PTPRD: variants seen among roughly 807,000 people sequenced by gnomAD.
PTPRD encodes receptor-type tyrosine-protein phosphatase delta.
A neutral mutation model predicts 214.5 loss-of-function variants in PTPRD; 34 were observed. The ratio of observed to expected loss-of-function variants is 0.16; its 90% CI spans 0.12 to 0.21. PTPRD has a LOEUF of 0.21. PTPRD is among the 10% of genes least tolerant of loss of function. The pLI, the probability that PTPRD is intolerant of heterozygous loss-of-function variation, is 1.00. For synonymous variants in PTPRD, 1,128 were observed against 845.7 expected, an observed-to-expected ratio of 1.33 and a Z score of -5.79; for missense variants, 2,545 against 2,398.7, an observed-to-expected ratio of 1.06 and a Z score of -1.27.
intron 5 of PTPRD, among the ~76,000 whole-genome samples, chr9:9,862,469 T>C (rs2062985405): frequency 6.6e-6 from 1 of 152,198 alleles, no homozygotes; most frequent in Admixed American, 6.5e-5. Flanking sequence ...CAAAAAGCCA[T>C]CTTCCTTGGG....
chr9:9,874,861 T>C (rs1354128271), intron 5 of PTPRD, among the ~76,000 whole-genome samples: 1 of 152,168 alleles, frequency 6.6e-6, no homozygotes, highest in Non-Finnish European at 1.5e-5. Context: ...TGATACATTA[T>C]CCTGTGGTGC....
intron 5 of PTPRD, among the ~76,000 whole-genome samples, chr9:9,813,970 T>C (rs1598548309): frequency 6.6e-6 from 1 of 152,180 alleles, no homozygotes; most frequent in African/African-American, 2.4e-5. Context: ...GTGGGATTTA[T>C]CTCTGGGCTG....
chr9:9,238,864 T>C (rs747997457), intron 9 of PTPRD, among the ~76,000 whole-genome samples: 17 of 152,170 alleles, frequency 1.1e-4, no homozygotes, highest in Non-Finnish European at 1.9e-4. Context: ...CTTTCTGATA[T>C]TCAGCCCCTT....
In PTPRD at chr9:10,366,216, T is replaced by C. The variant is rs769189004; in HGVS notation, c.-599-25199A>G. Among the ~76,000 whole-genome samples, 28 of 152,156 alleles carry C rather than the reference T, an allele frequency of 1.8e-4. 1 individual carries two copies. The highest frequency in any genetic ancestry group is 8.8e-5 in the Non-Finnish European group (6 of 68,022). On this transcript the variant is annotated intron_variant, in intron 2 of 45. Coordinates refer to ENST00000381196, the MANE Select transcript of PTPRD (RefSeq NM_002839.4). ...TCCCTATGCCATCTGTAAATACAGG[T>C]GGTTCCTGCTTTATGCCATGATCTC...
chr9:9,421,116 A>G (rs1017038384), intron 8 of PTPRD, among the ~76,000 whole-genome samples: 3 of 151,972 alleles, frequency 2.0e-5, no homozygotes, highest in African/African-American at 7.2e-5. Context: ...ATGAGGTCTA[A>G]CAGTTGATGA....
chr9:9,679,497 A>G (rs1198231913), intron 7 of PTPRD, among the ~76,000 whole-genome samples: 5 of 151,916 alleles, frequency 3.3e-5, no homozygotes, highest in African/African-American at 1.2e-4. Context: ...CTGTGAATTA[A>G]TCTTGCTGAA....
At chr9:9,409,749 C>A (rs924292519) in intron 8 of PTPRD, among the ~76,000 whole-genome samples, 18 of 151,984 alleles carry the variant, frequency 1.2e-4, no homozygotes, top group African/African-American at 4.1e-4. Context: ...AGTAGAGTAC[C>A]ATGGGAGCAG....
intron 11 of PTPRD, among the ~76,000 whole-genome samples, chr9:8,902,351 T>C (rs932052219): frequency 6.6e-6 from 1 of 151,270 alleles, no homozygotes; most frequent in Non-Finnish European, 1.5e-5. Flanking sequence ...TTTTCTTTTT[T>C]TTTTTTTTTG....
chr9:9,038,305 G>T, intron 10 of PTPRD, among the ~76,000 whole-genome samples: 1 of 152,110 alleles, frequency 6.6e-6, no homozygotes, highest in East Asian at 1.9e-4. Context: ...AGGACAGTTT[G>T]GTCTAGGCTG....
chr9:10,443,596 T>G (rs2154524066), intron 2 of PTPRD, among the ~76,000 whole-genome samples: 1 of 151,832 alleles, frequency 6.6e-6, no homozygotes, highest in East Asian at 1.9e-4. Context: ...AATGTTACAT[T>G]ACTTGATGCC....
At chr9:10,466,177 T>C (rs2098992166) in intron 2 of PTPRD, among the ~76,000 whole-genome samples, 2 of 152,222 alleles carry the variant, frequency 1.3e-5, no homozygotes, top group South Asian at 4.1e-4. Flanking sequence ...ACTTTTATTA[T>C]GATTTCTCTG....
At chr9:8,713,652 C>T (rs1458107674) in intron 12 of PTPRD, 1 of 1,508,242 alleles carries the variant, frequency 6.6e-7, no homozygotes, top group Non-Finnish European at 9.1e-7. Flanking sequence ...GAGACATGGG[C>T]GCCCGGCACC....
intron 4 of PTPRD, among the ~76,000 whole-genome samples, chr9:9,972,756 C>A (rs1203048734): frequency 6.6e-6 from 1 of 152,258 alleles, no homozygotes; most frequent in East Asian, 1.9e-4. Context: ...TGCCTGCATG[C>A]CTTGTCTTGT....
chr9:9,726,373 C>G (rs1219806709), intron 7 of PTPRD, among the ~76,000 whole-genome samples: 1 of 152,124 alleles, frequency 6.6e-6, no homozygotes, highest in Non-Finnish European at 1.5e-5. Context: ...GTGGGATTCC[C>G]ATTCAGAGGT....
intron 7 of PTPRD, among the ~76,000 whole-genome samples, chr9:9,675,750 T>C (rs886398434): frequency 2.0e-5 from 3 of 152,020 alleles, no homozygotes; most frequent in Non-Finnish European, 2.9e-5. Flanking sequence ...TCTATCACAA[T>C]ACAAAGATTC....
At chr9:10,152,936 A>G (rs2099070857) in intron 3 of PTPRD, among the ~76,000 whole-genome samples, 1 of 152,164 alleles carries the variant, frequency 6.6e-6, no homozygotes, top group African/African-American at 2.4e-5. Flanking sequence ...CAAATACTAC[A>G]TGAGCTCACA....
At chr9:8,473,046 G>A (rs4554526) in intron 30 of PTPRD, among the ~76,000 whole-genome samples, 3,963 of 152,272 alleles carry the variant, frequency 0.026, 137 homozygotes, top group African/African-American at 0.078. Flanking sequence ...GAACATCACA[G>A]GCCGGAGAGA....
chr9:10,389,575 T>A (rs149284033), intron 2 of PTPRD, among the ~76,000 whole-genome samples: 1 of 151,942 alleles, frequency 6.6e-6, no homozygotes, highest in African/African-American at 2.4e-5. Context: ...TCATATACAT[T>A]ATTTTGTGTA....
chr9:9,564,122 G>A (rs182927781), intron 8 of PTPRD, among the ~76,000 whole-genome samples: 128 of 152,226 alleles, frequency 8.4e-4, no homozygotes, highest in African/African-American at 2.9e-3. Context: ...TGTATTTAAT[G>A]AGTATGTCAG....
Sources: gnomAD v4.1 joint callset for allele counts (sites outside exome capture counted in the v4.1 genomes callset) on GRCh38, gnomAD v4.1.1 for gene constraint, MANE v1.5 for transcripts, NCBI Gene and HGNC (gene_info 2026-07-23, HGNC 2026-07-21) for gene names.